FRMPD4: variants seen among roughly 807,000 people sequenced by gnomAD.
The protein encoded by FRMPD4 is FERM and PDZ domain containing 4.
Under a neutral mutation model 94.1 loss-of-function variants are expected in FRMPD4, and 22 were observed. The ratio of observed to expected loss-of-function variants is 0.23; its 90% CI spans 0.17 to 0.33. The LOEUF (loss-of-function observed/expected upper bound fraction) is 0.33. FRMPD4 is among the 10% of genes least tolerant of loss of function. The pLI, the probability that FRMPD4 is intolerant of heterozygous loss-of-function variation, is 1.00. For synonymous variants in FRMPD4, 631 were observed against 548.6 expected (o/e 1.15, Z -2.10); for missense variants, 1,111 against 1,339.9 (o/e 0.83, Z 2.67).
chrX:12,293,908 G>C (rs1278009829), intron 1 of FRMPD4, among the ~76,000 whole-genome samples: 2 of 112,128 alleles, frequency 1.8e-5, no homozygotes, highest in African/African-American at 6.5e-5. Flanking sequence ...AAGCAATGCT[G>C]TCTACTTATG....
At chrX:12,364,176 A>C (rs778677539) in intron 1 of FRMPD4, among the ~76,000 whole-genome samples, 2 of 111,186 alleles carry the variant, frequency 1.8e-5, no homozygotes, top group Non-Finnish European at 3.8e-5. Context: ...AATATAGTGT[A>C]TTCATAAAAA....
intron 4 of FRMPD4, among the ~76,000 whole-genome samples, chrX:12,658,349 C>T (rs1240822319): frequency 1.8e-5 from 2 of 111,527 alleles, no homozygotes; most frequent in Admixed American, 9.5e-5. Flanking sequence ...TTTACTCTTA[C>T]GGAAATGTCC....
At chrX:12,194,825 T>C (rs2056547814) in intron 1 of FRMPD4, among the ~76,000 whole-genome samples, 1 of 111,869 alleles carries the variant, frequency 8.9e-6, no homozygotes, top group African/African-American at 3.2e-5. Context: ...CTGCATTTAA[T>C]TATTGAAAAC....
chrX:12,717,192 C>A, intron 15 of FRMPD4, 59 bp downstream of exon 15: 1 of 794,528 alleles, frequency 1.3e-6, no homozygotes, highest in Non-Finnish European at 1.8e-6. Flanking sequence ...TCCTTCCAAG[C>A]CATTTGCCCC....
intron 1 of FRMPD4, among the ~76,000 whole-genome samples, chrX:12,331,626 T>TTATATA (rs1189516938): frequency 2.6e-5 from 2 of 77,271 alleles, no homozygotes; most frequent in African/African-American, 9.3e-5. Flanking sequence ...TATATTATAT[T>TTATATA]ACATATAAAT....
Position 11,841,303 on chromosome X carries a change from G to A in FRMPD4, c.-161+18588G>A, listed in dbSNP as rs1294444190. On this transcript the variant is annotated intron_variant, in intron 1 of 18. Transcript: ENST00000640291. Reference sequence around the variant, plus strand: ...GGTCAAATGGCATTTCTAGTTCTAGGTCCCTGAGGAATCGCCACACTGACT... The same window carrying A: ...GGTCAAATGGCATTTCTAGTTCTAGATCCCTGAGGAATCGCCACACTGACT... 5.7e-4 allele frequency among the ~76,000 whole-genome samples: 63 copies of A among 110,421 alleles called. No homozygotes were observed. The East Asian group carries it at 0.011, about 19-fold the overall frequency.
chrX:12,372,072 T>G (rs907074704), intron 1 of FRMPD4, among the ~76,000 whole-genome samples: 9 of 112,403 alleles, frequency 8.0e-5, no homozygotes. Flanking sequence ...TGATAAGCAC[T>G]GAGATACTTC....
intron 1 of FRMPD4, among the ~76,000 whole-genome samples, chrX:12,178,665 A>G (rs759164708): frequency 1.8e-5 from 2 of 111,842 alleles, no homozygotes; most frequent in South Asian, 7.5e-4. Flanking sequence ...TGTGGATGCA[A>G]GGTATAAAAA....
intron 1 of FRMPD4, among the ~76,000 whole-genome samples, chrX:12,155,448 G>A (rs1488880738): frequency 4.6e-5 from 5 of 109,443 alleles, no homozygotes; most frequent in African/African-American, 1.7e-4. Flanking sequence ...AATCCAGAGG[G>A]CCACTTTAGG....
At chrX:12,056,604 A>C (rs6639138) in intron 3 of FRMPD4, among the ~76,000 whole-genome samples, 8,842 of 111,334 alleles carry the variant, frequency 0.079, 318 homozygotes, top group East Asian at 0.23. Context: ...GGAGAAGGTC[A>C]AAGAGAAACT....
chrX:12,230,973 GTAATATATA>G (rs1835711030), intron 1 of FRMPD4, among the ~76,000 whole-genome samples: 1 of 46,601 alleles, frequency 2.1e-5, no homozygotes, highest in Non-Finnish European at 4.0e-5. Flanking sequence ...TAAATATATA[GTAATATATA>G]TAGTATATAT....
intron 1 of FRMPD4, among the ~76,000 whole-genome samples, chrX:12,206,313 A>T (rs1411727216): frequency 1.8e-5 from 2 of 112,204 alleles, no homozygotes; most frequent in Non-Finnish European, 3.8e-5. Flanking sequence ...ATTCAAAGAT[A>T]TTGTAAGAGA....
chrX:11,987,117 A>C (rs1601871305), intron 3 of FRMPD4, among the ~76,000 whole-genome samples: 1 of 95,843 alleles, frequency 1.0e-5, no homozygotes, highest in South Asian at 4.9e-4. Context: ...AAAAAAAAAA[A>C]AAAAAAAAAA....
At chrX:12,194,494 A>T (rs1052194922) in intron 1 of FRMPD4, among the ~76,000 whole-genome samples, 6 of 111,045 alleles carry the variant, frequency 5.4e-5, no homozygotes, top group African/African-American at 1.6e-4. Context: ...CACTTAAAAA[A>T]ATTTGGGGTG....
At chrX:12,592,280 A>G (rs2058989779) in intron 2 of FRMPD4, among the ~76,000 whole-genome samples, 1 of 112,122 alleles carries the variant, frequency 8.9e-6, no homozygotes, top group South Asian at 3.8e-4. Context: ...AAAAATAGAC[A>G]GTATTCCCTG....
intron 1 of FRMPD4, among the ~76,000 whole-genome samples, chrX:12,293,328 C>T (rs1401332189): frequency 2.7e-5 from 3 of 112,283 alleles, no homozygotes; most frequent in African/African-American, 9.7e-5. Context: ...TGAAATCCAA[C>T]TTGTCTTATA....
intron 3 of FRMPD4, among the ~76,000 whole-genome samples, chrX:12,116,219 A>G (rs1381898742): frequency 8.9e-6 from 1 of 111,964 alleles, no homozygotes; most frequent in Non-Finnish European, 1.9e-5. Flanking sequence ...TCCCAGCTCT[A>G]TCACACTTTA....
At chrX:12,209,173 T>C (rs1309307806) in intron 1 of FRMPD4, among the ~76,000 whole-genome samples, 1 of 112,084 alleles carries the variant, frequency 8.9e-6, no homozygotes. Context: ...GTATTGTTAA[T>C]CATAAAATAT....
chrX:12,420,534 G>A (rs1569269524), intron 1 of FRMPD4, among the ~76,000 whole-genome samples: 1 of 111,781 alleles, frequency 8.9e-6, no homozygotes, highest in Non-Finnish European at 1.9e-5. Flanking sequence ...TGGCTCCAAG[G>A]GCTTCCATGC....
Sources: gnomAD v4.1 joint callset for allele counts (sites outside exome capture counted in the v4.1 genomes callset) on GRCh38, gnomAD v4.1.1 for gene constraint, MANE v1.5 for transcripts, NCBI Gene and HGNC (gene_info 2026-07-23, HGNC 2026-07-21) for gene names.